Variants in CD47 observed in about 807,000 individuals in gnomAD.
CD47 encodes CD47 molecule.
Under a neutral mutation model 44.6 loss-of-function variants are expected in CD47, and 11 were observed. The ratio of observed to expected loss-of-function variants is 0.25; its 90% CI spans 0.16 to 0.41. The LOEUF (loss-of-function observed/expected upper bound fraction) is 0.41. Among genes scored for constraint, CD47 ranks in the 10% least tolerant of loss-of-function variants. CD47 has a pLI of 1.00. For synonymous variants in CD47, 140 were observed against 136.3 expected, an observed-to-expected ratio of 1.03 and a Z score of -0.19; for missense variants, 306 against 386.7, an observed-to-expected ratio of 0.79 and a Z score of 1.75.
At position 108,047,013 on chromosome 3, in the gene CD47, T is replaced by A. The variant is rs1015803249; in HGVS notation, c.*275A>T. The A allele has an allele frequency of 1.6e-5, 6 of 372,194 alleles. No homozygotes were observed. The highest frequency in any genetic ancestry group is 1.0e-4 in the African/African-American group (5 of 47,752). 23.1% of individuals were successfully genotyped at this position (372,194 alleles called of 1,614,324 possible). On this transcript the variant is annotated 3_prime_UTR_variant, in exon 11 of 11. Transcript: ENST00000361309. ...GGCATCATTCTTGGAAATTGTCCAT[T>A]CTACTATTGCCCCTAATTGATTAAA...
intron 9 of CD47, among the ~76,000 whole-genome samples, chr3:108,050,321 T>A (rs2078804145): frequency 6.6e-6 from 1 of 152,196 alleles, no homozygotes; most frequent in South Asian, 2.1e-4. Context: ...TTTCAACATG[T>A]TGGCCAGGAT....
At position 108,047,332 on chromosome 3, in the gene CD47, T is replaced by C. The variant is rs979456853; in HGVS notation, c.968-40A>G. On this transcript the variant is annotated intron_variant, in intron 10 of 10. Transcript: ENST00000361309. ...AATGAACACATAATCACTATTCGTG[T>C]CTATTTTCTATCCATTAAAAAGTTG... is the stretch of plus-strand genomic sequence containing the variant. 4 of 1,539,092 alleles carry C rather than the reference T, an allele frequency of 2.6e-6. No individual in the cohort carries two copies. The South Asian group carries it at 3.5e-5, about 14-fold the overall frequency.
intron 2 of CD47, among the ~76,000 whole-genome samples, chr3:108,077,744 T>C (rs754563851): frequency 7.9e-5 from 12 of 152,078 alleles, no homozygotes; most frequent in East Asian, 3.8e-4. Context: ...GAACTATTGA[T>C]AGATGCAAAA....
intron 3 of CD47, among the ~76,000 whole-genome samples, chr3:108,065,912 C>T (rs538369822): frequency 1.4e-5 from 2 of 142,824 alleles, no homozygotes; most frequent in African/African-American, 5.1e-5. Context: ...CAGAATGATT[C>T]TTTGTGATAA....
In CD47 at chr3:108,082,701, C is replaced by A. The variant is rs140928181; in HGVS notation, c.47-2357G>T. ...AAGTAAGTAAGAAGTAGTTGGTGAA[C>A]AATCCACCATTTCATAACATATGTT... On this transcript the variant is annotated intron_variant, in intron 1 of 10. Transcript: ENST00000361309. 2.0e-5 allele frequency among the ~76,000 whole-genome samples: 3 copies of A among 152,024 alleles called. No individual in the cohort carries two copies. The South Asian group carries it at 6.2e-4, about 32-fold the overall frequency.
chr3:108,080,803 T>C (rs1231177196), intron 1 of CD47, among the ~76,000 whole-genome samples: 1 of 151,944 alleles, frequency 6.6e-6, no homozygotes, highest in Non-Finnish European at 1.5e-5. Flanking sequence ...TGAACTGATA[T>C]GAAATTTATC....
intron 7 of CD47, chr3:108,052,991 A>G (rs753680194): frequency 6.5e-5 from 10 of 152,740 alleles, no homozygotes; most frequent in Non-Finnish European, 8.8e-5. Flanking sequence ...ACCCAAAAAA[A>G]CAAATAAATA....
rs149019300 is a variant in CD47 at position 108,049,623 on chromosome 3, A to T, written c.963T>A (p.Asn321Lys). The T allele has an allele frequency of 5.7e-6, 9 of 1,582,932 alleles. No individual in the cohort carries two copies. Among genetic ancestry groups the T allele is most frequent in the Non-Finnish European group, 7.8e-6 (9 of 1,151,824 alleles). Residue 321 changes from asparagine (N) to lysine (K), a missense_variant, in exon 10 of 11, where the codon AAT becomes AAA. Asn to Lys is a moderately conservative substitution (Grantham distance 94). Coordinates refer to ENST00000361309, the MANE Select transcript of CD47 (RefSeq NM_001777.4). The part of the protein sequence containing the change: ...NAFKESKGMM[N>K]DE ...TTAAGTGCATTTTATACTTACCATC[A>T]TTCATCATTCCTTTTGATTCTTTGA...
intron 8 of CD47, chr3:108,050,921 G>T (rs964726931): frequency 5.5e-6 from 2 of 361,904 alleles, no homozygotes; most frequent in Non-Finnish European, 1.1e-5. Flanking sequence ...AGCAACAACA[G>T]AATAAATAAC....
chr3:108,078,367 C>A (rs2079350070), intron 2 of CD47, among the ~76,000 whole-genome samples: 2 of 152,000 alleles, frequency 1.3e-5, no homozygotes, highest in South Asian at 4.1e-4. Context: ...CAGATCCTGG[C>A]ATTCCTTTCT....
chr3:108,088,644 T>C (rs1240062762), intron 1 of CD47, among the ~76,000 whole-genome samples: 1 of 152,194 alleles, frequency 6.6e-6, no homozygotes, highest in Non-Finnish European at 1.5e-5. Context: ...ACAACTCATT[T>C]TGAACAAAGA....
chr3:108,061,619 C>T lies in CD47; in HGVS notation c.491-767G>A, dbSNP rs1448906382. ...AGCTCCACTGTCAAGTATCTCATAC[C>T]TTCTCTGAAAGAATGGAATGGGTCA... On this transcript the variant is annotated intron_variant, in intron 3 of 10. Transcript: ENST00000361309. 2.0e-5 allele frequency among the ~76,000 whole-genome samples: 3 copies of T among 152,108 alleles called. No homozygotes were observed. The East Asian group carries it at 5.8e-4, about 29-fold the overall frequency.
At chr3:108,049,726 T>C in intron 9 of CD47, 75 bp from the exon 10 acceptor site, 3 of 949,568 alleles carry the variant, frequency 3.2e-6, no homozygotes, top group South Asian at 2.6e-5. Flanking sequence ...TAAACAAATA[T>C]GCAATGATAT....
intron 2 of CD47, among the ~76,000 whole-genome samples, chr3:108,075,870 G>T (rs1482204755): frequency 6.6e-6 from 1 of 152,180 alleles, no homozygotes; most frequent in Non-Finnish European, 1.5e-5. Context: ...ATGTGAGAGG[G>T]ATTCAACAAG....
At chr3:108,061,354 G>T (rs1213794692) in intron 3 of CD47, among the ~76,000 whole-genome samples, 1 of 151,440 alleles carries the variant, frequency 6.6e-6, no homozygotes, top group African/African-American at 2.4e-5. Flanking sequence ...GGAAATAATG[G>T]GTTAATTAAC....
At chr3:108,067,607 G>A (rs540954418) in intron 3 of CD47, among the ~76,000 whole-genome samples, 16 of 152,270 alleles carry the variant, frequency 1.1e-4, no homozygotes, top group Admixed American at 6.5e-4. Context: ...CAAACAAAGC[G>A]TCTGAAATTC....
chr3:108,051,298 T>C (rs1576986598), intron 8 of CD47, among the ~76,000 whole-genome samples: 1 of 152,222 alleles, frequency 6.6e-6, no homozygotes, highest in Non-Finnish European at 1.5e-5. Context: ...CTTGGGCCTG[T>C]CACTGTGATA....
chr3:108,050,610 A>G lies in CD47; in HGVS notation c.910-8T>C. 1.0e-6 allele frequency: 1 copy of G among 971,052 alleles called. No individual in the cohort carries two copies. Among genetic ancestry groups the G allele is most frequent in the Non-Finnish European group, 1.6e-6 (1 of 643,508 alleles). The allele number at this position is 971,052 out of a possible 1,614,324, so 60.2% of individuals were successfully genotyped here. A position where few individuals can be genotyped will look rare whatever the true frequency, so the allele number is the denominator to read the frequency against. ...GGGTTCCTCTACAGCTTTCTGAAAA[A>G]TATTTAAAATATATTTACATAAAAA... On this transcript the variant is annotated splice_region_variant and splice_polypyrimidine_tract_variant and intron_variant, in intron 8 of 10. Transcript: ENST00000361309.
chr3:108,055,848 G>A (rs894644667), intron 7 of CD47, among the ~76,000 whole-genome samples: 1 of 152,158 alleles, frequency 6.6e-6, no homozygotes, highest in Non-Finnish European at 1.5e-5. Context: ...AAGTTAAGGA[G>A]GTGGCAGATA....
Sources: gnomAD v4.1 joint callset for allele counts (sites outside exome capture counted in the v4.1 genomes callset) on GRCh38, gnomAD v4.1.1 for gene constraint, MANE v1.5 for transcripts, NCBI Gene and HGNC (gene_info 2026-07-23, HGNC 2026-07-21) for gene names.